The following COL4A3 variants were observed in gnomAD, a reference collection of about 807,000 sequenced individuals.
COL4A3 encodes collagen alpha-3(IV) chain.
In COL4A3, 135 loss-of-function variants were observed where a neutral mutation model predicts 217.4. That is an observed-to-expected ratio of 0.62 (90% CI 0.54 to 0.72). The LOEUF (loss-of-function observed/expected upper bound fraction) is 0.72, where lower values mean the gene tolerates loss of function less well. COL4A3 is among the 30% of genes least tolerant of loss of function. The pLI is 0.00. For missense variants in COL4A3, 1,868 were observed against 2,119.9 expected (o/e 0.88, Z 2.33); for synonymous variants, 690 against 736.3 (o/e 0.94, Z 1.02).
chr2:227,215,491 C>T (rs1273457937), intron 1 of COL4A3, among the ~76,000 whole-genome samples: 1 of 152,144 alleles, frequency 6.6e-6, no homozygotes, highest in East Asian at 1.9e-4. Context: ...CAGAGTCTCG[C>T]TCTGTCGCCC....
chr2:227,296,772 G>A (rs917208282), intron 41 of COL4A3, among the ~76,000 whole-genome samples: 3 of 152,114 alleles, frequency 2.0e-5, no homozygotes, highest in Admixed American at 6.5e-5. Flanking sequence ...GGGCTAGATC[G>A]TCAATATTCA....
chr2:227,310,314 G>C (rs1290942502), intron 50 of COL4A3, among the ~76,000 whole-genome samples: 2 of 152,074 alleles, frequency 1.3e-5, no homozygotes, highest in South Asian at 4.2e-4. Flanking sequence ...TGTCGCCCAG[G>C]CTGGAGTGCA....
intron 34 of COL4A3, among the ~76,000 whole-genome samples, chr2:227,286,560 C>T (rs935327589): frequency 3.3e-5 from 5 of 152,212 alleles, no homozygotes; most frequent in Admixed American, 1.3e-4. Flanking sequence ...ATTTTACATA[C>T]GGGGAAATAG....
chr2:227,280,412 T>C (rs1289682646), intron 29 of COL4A3, 28 bp from the exon 30 acceptor site: 3 of 1,613,180 alleles, frequency 1.9e-6, no homozygotes, highest in East Asian at 4.5e-5. Flanking sequence ...AAGCACTATA[T>C]AGTAATAACA....
chr2:227,210,398 C>T (rs533262122), intron 1 of COL4A3, among the ~76,000 whole-genome samples: 1 of 152,168 alleles, frequency 6.6e-6, no homozygotes, highest in South Asian at 2.1e-4. Context: ...CAAGACCAGC[C>T]TGGCCAACAT....
chr2:227,290,767 A>C lies in COL4A3; in HGVS notation c.3091A>C (p.Thr1031Pro). Residue 1031 changes from threonine (T) to proline (P), a missense_variant, in exon 37 of 52, where the codon ACT (threonine) becomes CCT (proline). This residue lies in a region of COL4A3 where 1,503 missense variants were observed against 1,786.1 expected (regional missense o/e 0.84). Coordinates refer to ENST00000396578, the MANE Select transcript of COL4A3 (RefSeq NM_000091.5). ...GMPGSKGKRG[T>P]LGFPGRAGRP... is the part of the protein sequence containing the mutation. ...TTCAGGTTCTAAAGGAAAAAGGGGA[A>C]CTTTGGGATTCCCAGGTCGAGCAGG... The C allele has an allele frequency of 6.2e-7, 1 of 1,613,440 alleles. No individual in the cohort carries two copies. Among genetic ancestry groups the C allele is most frequent in the Non-Finnish European group, 8.5e-7 (1 of 1,179,946 alleles).
At chr2:227,289,032 CCT>C (rs1428079301) in intron 34 of COL4A3, 116 bp from the exon 35 acceptor site, 11 of 673,772 alleles carry the variant, frequency 1.6e-5, no homozygotes, top group Non-Finnish European at 2.9e-5. Context: ...CTCACTTCAA[CCT>C]CTGTCTCCCA....
At chr2:227,198,115 T>A (rs1258400230) in intron 1 of COL4A3, among the ~76,000 whole-genome samples, 13 of 152,242 alleles carry the variant, frequency 8.5e-5, no homozygotes. Context: ...CTTGTTGCTC[T>A]AAGGACTGTT....
In COL4A3 at chr2:227,314,597, A is replaced by C. The variant is rs544059746; in HGVS notation, c.*2727A>C. 3.3e-5 allele frequency: 5 copies of C among 152,702 alleles called. No homozygotes were observed. The East Asian group carries it at 9.6e-4, about 29-fold the overall frequency. The allele number at this position is 152,702 out of a possible 1,614,324, so 9.5% of individuals were successfully genotyped here. ...AACTTACAAAGATTCTCTATGTATC[A>C]AATGTAACTTACTGCGACTAAACTT... On this transcript the variant is annotated 3_prime_UTR_variant, in exon 52 of 52. Coordinates refer to ENST00000396578, the MANE Select transcript of COL4A3 (RefSeq NM_000091.5).
chr2:227,223,718 A>G (rs964374674), intron 1 of COL4A3, among the ~76,000 whole-genome samples: 1 of 151,966 alleles, frequency 6.6e-6, no homozygotes, highest in African/African-American at 2.4e-5. Flanking sequence ...TGGGTGACAG[A>G]ATGAGACTCT....
In COL4A3 at chr2:227,281,005, AGGT is replaced by A. The variant is rs1363058249; in HGVS notation, c.2488_2488+2del. On this transcript the variant is annotated splice_donor_variant and coding_sequence_variant, in exon 31 of 52. Transcript: ENST00000396578. LOFTEE classifies it high-confidence loss of function. Reference sequence around the variant, plus strand: ...GCTTAAATGGATTGAAAGGGCAACAAGGTAGGAGGAGGGCCTCAAAACTGGCCA... The same window carrying A: ...GCTTAAATGGATTGAAAGGGCAACAAAGGAGGAGGGCCTCAAAACTGGCCA... 6.4e-7 allele frequency: 1 copy of A among 1,550,484 alleles called. No individual in the cohort carries two copies. The highest frequency in any genetic ancestry group is 8.7e-7 in the Non-Finnish European group (1 of 1,144,354).
chr2:227,172,871 G>A (rs2065542083), intron 1 of COL4A3, among the ~76,000 whole-genome samples: 1 of 152,100 alleles, frequency 6.6e-6, no homozygotes, highest in South Asian at 2.1e-4. Flanking sequence ...ACAGGCGTGA[G>A]GCACAGTGCC....
intron 1 of COL4A3, among the ~76,000 whole-genome samples, chr2:227,213,575 G>A (rs779100748): frequency 6.6e-6 from 1 of 152,064 alleles, no homozygotes; most frequent in Non-Finnish European, 1.5e-5. Flanking sequence ...TAAGAGATAC[G>A]TATTCTTGTT....
At chr2:227,205,467 G>A (rs2067066071) in intron 1 of COL4A3, among the ~76,000 whole-genome samples, 1 of 151,982 alleles carries the variant, frequency 6.6e-6, no homozygotes, top group African/African-American at 2.4e-5. Context: ...GACATACAAT[G>A]CTTCTATAGT....
Position 227,303,177 on chromosome 2 carries a change from C to T in COL4A3, c.3955+67C>T, listed in dbSNP as rs1270831735. On this transcript the variant is annotated intron_variant, in intron 44 of 51. Coordinates refer to ENST00000396578, the MANE Select transcript of COL4A3 (RefSeq NM_000091.5). ...ACCTCAATTCATATTTTAGGGCACA[C>T]AAGTGTTTGCTGAAGTACAGACAGC... The T allele has an allele frequency of 2.9e-6, 4 of 1,372,016 alleles. No individual in the cohort carries two copies. The Admixed American group carries it at 6.7e-5, about 23-fold the overall frequency. 85.0% of individuals were successfully genotyped at this position (1,372,016 alleles called of 1,614,324 possible).
chr2:227,236,628 TA>T (rs2068715068), intron 1 of COL4A3, among the ~76,000 whole-genome samples: 2 of 152,228 alleles, frequency 1.3e-5, no homozygotes, highest in African/African-American at 4.8e-5. Flanking sequence ...GATTAATATG[TA>T]ACCATATAAT....
intron 37 of COL4A3, 69 bp downstream of exon 37, chr2:227,290,955 C>A: frequency 6.5e-7 from 1 of 1,533,000 alleles, no homozygotes; most frequent in Non-Finnish European, 8.8e-7. Context: ...TCAACAAGTA[C>A]CCAGATTCGG....
chr2:227,183,549 G>C (rs2065923472), intron 1 of COL4A3, among the ~76,000 whole-genome samples: 1 of 152,124 alleles, frequency 6.6e-6, no homozygotes, highest in Non-Finnish European at 1.5e-5. Context: ...GGGCATACAG[G>C]TAGAAGATTG....
chr2:227,276,500 G>GGTACA (rs2071574520), intron 27 of COL4A3, 23 bp downstream of exon 27: 2 of 1,544,714 alleles, frequency 1.3e-6, no homozygotes, highest in East Asian at 4.5e-5. Context: ...TGCCAAATCT[G>GGTACA]GTACATGGCA....
Sources: gnomAD v4.1 joint callset for allele counts (sites outside exome capture counted in the v4.1 genomes callset) on GRCh38, gnomAD v4.1.1 for gene constraint, gnomAD v4.1.1 regional missense constraint, MANE v1.5 for transcripts, NCBI Gene and HGNC (gene_info 2026-07-23, HGNC 2026-07-21) for gene names.